The following TMEM132E variants were observed in gnomAD, a reference collection of about 807,000 sequenced individuals.
TMEM132E encodes transmembrane protein 132E.
A neutral mutation model predicts 78.5 loss-of-function variants in TMEM132E; 49 were observed. The ratio of observed to expected loss-of-function variants is 0.62; its 90% CI spans 0.50 to 0.79. The LOEUF (loss-of-function observed/expected upper bound fraction) is 0.79. Ranked by LOEUF, TMEM132E falls within the 30% of genes least tolerant of loss-of-function variation. The pLI is 0.00. For missense variants in TMEM132E, 1,403 were observed against 1,470.9 expected, an observed-to-expected ratio of 0.95 and a Z score of 0.75; for synonymous variants, 715 against 670.6, an observed-to-expected ratio of 1.07 and a Z score of -1.02.
Position 34,580,777 on chromosome 17 carries a change from C to T in TMEM132E, c.-300C>T, listed in dbSNP as rs1905439709. 2.9e-6 allele frequency: 1 copy of T among 347,228 alleles called. No homozygotes were observed. The highest frequency in any genetic ancestry group is 5.2e-6 in the Non-Finnish European group (1 of 191,578). 21.5% of individuals were successfully genotyped at this position (347,228 alleles called of 1,614,324 possible). A position where few individuals can be genotyped will look rare whatever the true frequency, so the allele number is the denominator to read the frequency against. On this transcript the variant is annotated 5_prime_UTR_variant, in exon 1 of 9. Transcript: ENST00000631683. ...CCGGGACGCCCGCGGCCACCGGGCT[C>T]CGGACTGCACGTGCAGCTCCCCCCG...
At chr17:34,629,779 C>T (rs1907288528) in intron 4 of TMEM132E, among the ~76,000 whole-genome samples, 1 of 152,084 alleles carries the variant, frequency 6.6e-6, no homozygotes, top group Admixed American at 6.5e-5. Context: ...CCCGGCAGCA[C>T]AGTGAGGTGG....
intron 1 of TMEM132E, among the ~76,000 whole-genome samples, chr17:34,589,027 T>C (rs554819513): frequency 7.9e-5 from 12 of 152,228 alleles, no homozygotes; most frequent in Non-Finnish European, 1.6e-4. Context: ...GTGCTGGGAT[T>C]ACAGGCAAGT....
At chr17:34,636,910 G>A (rs756783267) in intron 8 of TMEM132E, among the ~76,000 whole-genome samples, 6 of 152,158 alleles carry the variant, frequency 3.9e-5, no homozygotes, top group Non-Finnish European at 7.4e-5. Context: ...GGGGAGAAGG[G>A]TGAAGTGGAC....
At chr17:34,592,604 A>G (rs1033676551) in intron 1 of TMEM132E, among the ~76,000 whole-genome samples, 1 of 152,192 alleles carries the variant, frequency 6.6e-6, no homozygotes, top group African/African-American at 2.4e-5. Context: ...CCATACGCAT[A>G]TTACTCTTTC....
chr17:34,633,888 A>C (rs1295869872), intron 6 of TMEM132E, among the ~76,000 whole-genome samples: 1 of 152,222 alleles, frequency 6.6e-6, no homozygotes, highest in African/African-American at 2.4e-5. Context: ...GCGGACTCTG[A>C]AGCCAGACAG....
intron 2 of TMEM132E, 107 bp downstream of exon 2, chr17:34,627,164 T>C: frequency 1.6e-6 from 2 of 1,229,168 alleles, no homozygotes; most frequent in East Asian, 2.4e-5. Context: ...GCTGTATCCC[T>C]GTCCAGCATC....
At chr17:34,612,440 G>C (rs1325209446) in intron 1 of TMEM132E, among the ~76,000 whole-genome samples, 1 of 152,156 alleles carries the variant, frequency 6.6e-6, no homozygotes, top group South Asian at 2.1e-4. Flanking sequence ...TTGGCTTATG[G>C]GACCCAACTG....
At chr17:34,615,697 C>T (rs1201975542) in intron 1 of TMEM132E, among the ~76,000 whole-genome samples, 4 of 151,866 alleles carry the variant, frequency 2.6e-5, no homozygotes, top group Admixed American at 6.6e-5. Context: ...CCACCCTTAG[C>T]GGCAGGCAAG....
At chr17:34,632,981 C>A in intron 6 of TMEM132E, 72 bp downstream of exon 6, 1 of 1,544,550 alleles carries the variant, frequency 6.5e-7, no homozygotes, top group South Asian at 1.1e-5. Flanking sequence ...ACAGTCTGAT[C>A]TGCATATGGG....
At chr17:34,617,251 G>T (rs113455791) in intron 1 of TMEM132E, among the ~76,000 whole-genome samples, 1 of 152,226 alleles carries the variant, frequency 6.6e-6, no homozygotes. Flanking sequence ...CCAAGGTTAC[G>T]CAGCAGATCA....
At position 34,637,805 on chromosome 17, in the gene TMEM132E, A is replaced by T; in HGVS notation, c.2798A>T (p.His933Leu). Residue 933 changes from histidine to leucine, a missense_variant, in exon 9 of 9, where the codon CAC becomes CTC. Around this residue, in one of 3 missense-constraint regions of TMEM132E, gnomAD observed 888 missense variants for 952.8 expected, o/e 0.93. Coordinates refer to ENST00000631683, the MANE Select transcript of TMEM132E (RefSeq NM_001304438.2). ...GGCCAGACCAGCATGGACCACTCTC[A>T]CCACTGGGTGTTCCTGGGCAACGGG... ...PEGQTSMDHS[H>L]HWVFLGNGQP... The T allele has an allele frequency of 3.1e-6, 5 of 1,612,760 alleles. No homozygotes were observed. The highest frequency in any genetic ancestry group is 4.2e-6 in the Non-Finnish European group (5 of 1,179,720).
chr17:34,609,035 C>A (rs531288163), intron 1 of TMEM132E, among the ~76,000 whole-genome samples: 4 of 152,164 alleles, frequency 2.6e-5, no homozygotes, highest in African/African-American at 7.2e-5. Flanking sequence ...AGAGAAAAAC[C>A]TTTTAACCAG....
intron 1 of TMEM132E, among the ~76,000 whole-genome samples, chr17:34,613,713 G>T (rs1597684868): frequency 6.6e-6 from 1 of 151,864 alleles, no homozygotes; most frequent in South Asian, 2.1e-4. Context: ...TATTGCGGGG[G>T]TCTCTCTCCC....
In TMEM132E at chr17:34,629,100, C is replaced by G. The variant is rs1304050409; in HGVS notation, c.1234C>G (p.His412Asp). Residue 412 changes from histidine (H) to aspartate (D), a missense_variant, in exon 4 of 9, where the codon CAC becomes GAC. Coordinates refer to ENST00000631683, the MANE Select transcript of TMEM132E (RefSeq NM_001304438.2). ...SQSVKRRIMW[H>D]IDYRGHGALP... ...GTCAGTCAAGCGGAGGATCATGTGG[C>G]ACATTGACTACCGTGGCCACGGCGC... 6.2e-7 allele frequency: 1 copy of G among 1,612,444 alleles called. No individual in the cohort carries two copies. Among genetic ancestry groups the G allele is most frequent in the Non-Finnish European group, 8.5e-7 (1 of 1,179,086 alleles).
chr17:34,623,605 G>T (rs1907032685), intron 1 of TMEM132E, among the ~76,000 whole-genome samples: 1 of 152,216 alleles, frequency 6.6e-6, no homozygotes, highest in South Asian at 2.1e-4. Context: ...CCTGTTCTTG[G>T]TCTTTCAGCT....
At position 34,634,825 on chromosome 17, in the gene TMEM132E, A is replaced by G. The variant is rs1907460184; in HGVS notation, c.1715A>G (p.Asp572Gly). Residue 572 changes from aspartate to glycine, a missense_variant, in exon 7 of 9, where the codon GAT (aspartate) becomes GGT (glycine). Transcript: ENST00000631683. ...TCAGTCCGGGAAAGCGAGGATGAGG[A>G]TGAGGAGGAGGAGGAGCGGCGGCAG... The part of the protein sequence containing the change: ...RRSVRESEDE[D>G]EEEEERRQSA... The G allele has an allele frequency of 3.1e-6, 5 of 1,613,982 alleles. No homozygotes were observed. The highest frequency in any genetic ancestry group is 1.7e-4 in the Middle Eastern group (1 of 6,060).
chr17:34,631,830 G>A (rs1907357457), intron 5 of TMEM132E, among the ~76,000 whole-genome samples: 1 of 152,200 alleles, frequency 6.6e-6, no homozygotes, highest in Non-Finnish European at 1.5e-5. Flanking sequence ...GCACCAGCAT[G>A]AGCACCTAGA....
At chr17:34,619,465 G>A (rs1232403184) in intron 1 of TMEM132E, among the ~76,000 whole-genome samples, 1 of 145,722 alleles carries the variant, frequency 6.9e-6, no homozygotes, top group Admixed American at 6.9e-5. Context: ...CACTAATCAT[G>A]GCTCATGCCC....
Position 34,637,696 on chromosome 17 carries a change from G to A in TMEM132E, c.2689G>A (p.Val897Ile). ...GATCGGCATGTACGCGCTGCTGGGCGTCTTCTGCCTCGCCATCCTCGTCTT... is the reference window on the plus strand; with the variant it reads ...GATCGGCATGTACGCGCTGCTGGGCATCTTCTGCCTCGCCATCCTCGTCTT... ...LEIGMYALLG[V>I]FCLAILVFLI... The change falls in exon 9 of 9, where the codon GTC becomes ATC. Residue 897 changes from valine to isoleucine, a missense_variant. This residue lies in a region of TMEM132E where 888 missense variants were observed against 952.8 expected (regional missense o/e 0.93). Transcript: ENST00000631683. 1 of 1,612,172 alleles carries A rather than the reference G, an allele frequency of 6.2e-7. No individual in the cohort carries two copies. The highest frequency in any genetic ancestry group is 1.1e-5 in the South Asian group (1 of 91,086).
Sources: allele counts gnomAD v4.1 joint callset (sites outside exome capture counted in the v4.1 genomes callset), GRCh38; gene constraint gnomAD v4.1.1; regional missense constraint gnomAD v4.1.1; transcripts MANE v1.5; gene names NCBI Gene and HGNC (gene_info 2026-07-23, HGNC 2026-07-21).